Variants in SCGN observed in about 807,000 individuals in gnomAD.
SCGN encodes secretagogin.
Under a neutral mutation model 39.7 loss-of-function variants are expected in SCGN, and 30 were observed. That is an observed-to-expected ratio of 0.76 (90% CI 0.57 to 1.03). SCGN has a LOEUF of 1.03. SCGN is among the 50% of genes least tolerant of loss of function. SCGN has a pLI of 0.00. For synonymous variants in SCGN, 106 were observed against 114.1 expected, an observed-to-expected ratio of 0.93 and a Z score of 0.45; for missense variants, 353 against 349.4, an observed-to-expected ratio of 1.01 and a Z score of -0.08.
At chr6:25,669,418 G>C in intron 4 of SCGN, 93 bp from the exon 5 acceptor site, 1 of 1,109,926 alleles carries the variant, frequency 9.0e-7, no homozygotes, top group Non-Finnish European at 1.4e-6. Context: ...ATTCAGTTAA[G>C]TACTGTTTTC....
rs1759911810 is a variant in SCGN at position 25,701,448 on chromosome 6, A to AT, written c.*115dup. 1 of 1,400,964 alleles carries AT rather than the reference A, an allele frequency of 7.1e-7. No individual in the cohort carries two copies. The highest frequency in any genetic ancestry group is 9.7e-7 in the Non-Finnish European group (1 of 1,028,758). 86.8% of individuals were successfully genotyped at this position (1,400,964 alleles called of 1,614,324 possible). On this transcript the variant is annotated 3_prime_UTR_variant, in exon 11 of 11. Transcript: ENST00000377961. Reference sequence around the variant, plus strand: ...TGGGCAAACTCACAAATGGTGTGCTATTCTTGGGCAAGAACAGGGACGCTA... The same window carrying AT: ...TGGGCAAACTCACAAATGGTGTGCTATTTCTTGGGCAAGAACAGGGACGCTA...
intron 10 of SCGN, among the ~76,000 whole-genome samples, chr6:25,700,204 C>T (rs1759892528): frequency 7.1e-6 from 1 of 140,246 alleles, no homozygotes; most frequent in South Asian, 2.2e-4. Context: ...GAGATCACTG[C>T]CACTGCACTC....
At chr6:25,669,124 A>AAT (rs1759453704) in intron 4 of SCGN, among the ~76,000 whole-genome samples, 1 of 151,730 alleles carries the variant, frequency 6.6e-6, no homozygotes, top group Non-Finnish European at 1.5e-5. Context: ...AAAAAAAAAA[A>AAT]AATCTGTTTT....
rs747905096 is a variant in SCGN at position 25,652,442 on chromosome 6, C to A, written c.39C>A (p.Asp13Glu). The stretch of plus-strand genomic sequence containing the variant: ...GGGAACCGACTCTGGGGCGCTTGGA[C>A]GCCGCTGGCTTCTGGCAGGTCTGGC... ...SSREPTLGRL[D>E]AAGFWQVWQR... The change falls in exon 1 of 11, where the codon GAC becomes GAA. Residue 13 changes from aspartate (D) to glutamate (E), a missense_variant. Coordinates refer to ENST00000377961, the MANE Select transcript of SCGN (RefSeq NM_006998.4). The A allele has an allele frequency of 6.2e-7, 1 of 1,614,036 alleles. No individual in the cohort carries two copies. The highest frequency in any genetic ancestry group is 1.1e-5 in the South Asian group (1 of 91,090).
Position 25,652,344 on chromosome 6 carries a change from GT to G in SCGN, c.-59del. On this transcript the variant is annotated 5_prime_UTR_variant, in exon 1 of 11. Transcript: ENST00000377961. ...GCAAGTCAAGAAATACGGTGAAGGA[GT>G]CCTTCCCAAAGTTGTCTAGGTCCTT... The G allele has an allele frequency of 7.6e-7, 1 of 1,313,340 alleles. No homozygotes were observed. The highest frequency in any genetic ancestry group is 1.1e-6 in the Non-Finnish European group (1 of 907,366). The allele number at this position is 1,313,340 out of a possible 1,614,324, so 81.4% of individuals were successfully genotyped here.
chr6:25,687,778 C>T (rs984184385), intron 7 of SCGN, among the ~76,000 whole-genome samples: 3 of 152,104 alleles, frequency 2.0e-5, no homozygotes, highest in Non-Finnish European at 4.4e-5. Flanking sequence ...TCTGTCCTTC[C>T]ATTACTGCCT....
chr6:25,692,045 T>C (rs1759779856), intron 10 of SCGN, among the ~76,000 whole-genome samples: 1 of 152,220 alleles, frequency 6.6e-6, no homozygotes, highest in Admixed American at 6.5e-5. Flanking sequence ...ACATCGTCCG[T>C]GATTCCTTTC....
At chr6:25,689,383 A>G in intron 8 of SCGN, 90 bp from the exon 9 acceptor site, 1 of 1,307,770 alleles carries the variant, frequency 7.6e-7, no homozygotes, top group African/African-American at 1.5e-5. Context: ...CATTGACTCA[A>G]AGTTTACAAA....
At chr6:25,678,611 A>T (rs1193486823) in intron 6 of SCGN, among the ~76,000 whole-genome samples, 1 of 152,190 alleles carries the variant, frequency 6.6e-6, no homozygotes, top group African/African-American at 2.4e-5. Context: ...ACTGGCTCAG[A>T]TATGGGTATG....
intron 6 of SCGN, among the ~76,000 whole-genome samples, chr6:25,676,869 C>T (rs1759569793): frequency 6.6e-6 from 1 of 152,172 alleles, no homozygotes; most frequent in South Asian, 2.1e-4. Context: ...ATAGTAGGCA[C>T]TCTATACATA....
At chr6:25,700,608 C>T (rs1759899020) in intron 10 of SCGN, among the ~76,000 whole-genome samples, 1 of 152,170 alleles carries the variant, frequency 6.6e-6, no homozygotes, top group Admixed American at 6.5e-5. Context: ...ATGAAATAAC[C>T]TATGGAGAAT....
chr6:25,687,838 T>C (rs1055791033), intron 7 of SCGN, among the ~76,000 whole-genome samples: 3 of 151,702 alleles, frequency 2.0e-5, no homozygotes, highest in African/African-American at 7.3e-5. Flanking sequence ...ATTCCCTTAT[T>C]ATTTGTTTTG....
intron 2 of SCGN, among the ~76,000 whole-genome samples, chr6:25,660,749 T>C (rs980238045): frequency 6.6e-6 from 1 of 152,038 alleles, no homozygotes; most frequent in Non-Finnish European, 1.5e-5. Flanking sequence ...GGATAATGAG[T>C]CAACAGGATT....
chr6:25,654,792 T>C (rs964480161), intron 2 of SCGN, among the ~76,000 whole-genome samples: 2 of 152,126 alleles, frequency 1.3e-5, no homozygotes, highest in African/African-American at 2.4e-5. Flanking sequence ...CTTTTATTGC[T>C]CTTTGTCTGC....
chr6:25,681,888 C>T (rs1225976481), intron 6 of SCGN, 63 bp from the exon 7 acceptor site: 1 of 1,398,760 alleles, frequency 7.1e-7, no homozygotes, highest in Non-Finnish European at 1.0e-6. Flanking sequence ...TAGAAAAGTG[C>T]TTTAATAACG....
intron 6 of SCGN, among the ~76,000 whole-genome samples, chr6:25,675,516 G>A (rs1033325084): frequency 6.6e-5 from 10 of 152,236 alleles, no homozygotes; most frequent in Admixed American, 1.3e-4. Context: ...AAAGTCAAGT[G>A]CTGTCTTTAT....
chr6:25,652,451 C>A lies in SCGN; in HGVS notation c.48C>A (p.Gly16=), dbSNP rs1760151290. The A allele has an allele frequency of 6.2e-7, 1 of 1,614,104 alleles. No homozygotes were observed. Among genetic ancestry groups the A allele is most frequent in the Non-Finnish European group, 8.5e-7 (1 of 1,180,006 alleles). The change falls in exon 1 of 11, where the codon GGC becomes GGA. Residue 16 remains glycine (G), a synonymous_variant. Transcript: ENST00000377961. ...CTCTGGGGCGCTTGGACGCCGCTGGCTTCTGGCAGGTCTGGCAGCGCTTTG... is the reference window on the plus strand; with the variant it reads ...CTCTGGGGCGCTTGGACGCCGCTGGATTCTGGCAGGTCTGGCAGCGCTTTG... The part of the protein sequence containing the change: ...EPTLGRLDAA[G]FWQVWQRFDA...
Position 25,693,898 on chromosome 6 carries a change from A to G in SCGN, c.702+2774A>G, listed in dbSNP as rs186654521. 3.0e-4 allele frequency among the ~76,000 whole-genome samples: 46 copies of G among 152,322 alleles called. 1 individual carries two copies. In the East Asian group the frequency reaches 7.7e-3, roughly 26 times the overall value. ...TGAGACCTTGGGCAAGTCATTTTGC[A>G]TCTCCAAACCTCAGTTTCCTCATCT... On this transcript the variant is annotated intron_variant, in intron 10 of 10. Coordinates refer to ENST00000377961, the MANE Select transcript of SCGN (RefSeq NM_006998.4).
At chr6:25,671,266 C>T (rs1293903920) in intron 6 of SCGN, among the ~76,000 whole-genome samples, 1 of 152,202 alleles carries the variant, frequency 6.6e-6, no homozygotes, top group African/African-American at 2.4e-5. Context: ...GACTAAGTCA[C>T]CACCAGGTTG....
Sources: allele counts gnomAD v4.1 joint callset (sites outside exome capture counted in the v4.1 genomes callset), GRCh38; gene constraint gnomAD v4.1.1; transcripts MANE v1.5; gene names NCBI Gene and HGNC (gene_info 2026-07-23, HGNC 2026-07-21).